The following DENND5B variants were observed in gnomAD, a reference collection of about 807,000 sequenced individuals.
DENND5B encodes DENN domain containing 5B, also known as DENN domain-containing protein 5B.
DENND5B carries 34 observed loss-of-function variants against 140.6 expected under a neutral mutation model. The ratio of observed to expected loss-of-function variants is 0.24; its 90% CI spans 0.18 to 0.32. The LOEUF is 0.32. Ranked by LOEUF, DENND5B falls within the 10% of genes least tolerant of loss-of-function variation. The probability of loss-of-function intolerance (pLI) is 1.00; values close to 1 mark genes in which losing one functional copy is unlikely to be tolerated. For synonymous variants in DENND5B, 551 were observed against 562.1 expected, an observed-to-expected ratio of 0.98 and a Z score of 0.28; for missense variants, 1,142 against 1,560.2, an observed-to-expected ratio of 0.73 and a Z score of 4.52.
At chr12:31,496,084 G>T (rs1946752388) in intron 1 of DENND5B, among the ~76,000 whole-genome samples, 165 bp from the exon 2 acceptor site, 1 of 152,114 alleles carries the variant, frequency 6.6e-6, no homozygotes, top group Admixed American at 6.6e-5. Flanking sequence ...CTAAAAAACT[G>T]TTAACAACAG....
intron 7 of DENND5B, among the ~76,000 whole-genome samples, chr12:31,442,162 C>A (rs1294193916): frequency 6.6e-6 from 1 of 152,186 alleles, no homozygotes; most frequent in Non-Finnish European, 1.5e-5. Flanking sequence ...CTCCTCTTAA[C>A]AGAACCCAGT....
At chr12:31,562,926 CTTTTT>C (rs36081364) in intron 1 of DENND5B, among the ~76,000 whole-genome samples, 6 of 147,522 alleles carry the variant, frequency 4.1e-5, no homozygotes, top group Non-Finnish European at 9.0e-5. Context: ...TTCCTTTTTC[CTTTTT>C]TTTTTTTTTT....
Position 31,547,367 on chromosome 12 carries a change from T to C in DENND5B, c.127+43339A>G, listed in dbSNP as rs149595958. Among the ~76,000 whole-genome samples, 314 of 152,286 alleles carry C rather than the reference T, an allele frequency of 2.1e-3. 2 individuals are homozygous for C. The highest frequency in any genetic ancestry group is 3.4e-3 in the Middle Eastern group (1 of 294). Reference sequence around the variant, plus strand: ...AGTATTTTAAAAGAAATCTTAGACATGATTAGATGAAAATTTCCGGCTAGC... The same window carrying C: ...AGTATTTTAAAAGAAATCTTAGACACGATTAGATGAAAATTTCCGGCTAGC... On this transcript the variant is annotated intron_variant, in intron 1 of 20. Transcript: ENST00000389082.
chr12:31,520,395 T>C (rs540414073), intron 1 of DENND5B, among the ~76,000 whole-genome samples: 2 of 152,314 alleles, frequency 1.3e-5, no homozygotes, highest in South Asian at 4.1e-4. Context: ...GTTAATCATA[T>C]GCAGCAAATC....
At chr12:31,409,472 G>T (rs1593088705) in intron 13 of DENND5B, 88 bp from the exon 14 acceptor site, 426 of 424,014 alleles carry the variant, frequency 1.0e-3, no homozygotes, top group Middle Eastern at 3.2e-3. Context: ...TTTTCATTAT[G>T]TCTTTTTTTT....
chr12:31,525,285 A>G (rs1948046976), intron 1 of DENND5B, among the ~76,000 whole-genome samples: 1 of 152,228 alleles, frequency 6.6e-6, no homozygotes, highest in Non-Finnish European at 1.5e-5. Context: ...AGTAGAAACA[A>G]CCTAAATTTC....
chr12:31,484,144 C>T (rs140457683), intron 2 of DENND5B, among the ~76,000 whole-genome samples: 42 of 152,122 alleles, frequency 2.8e-4, no homozygotes, highest in African/African-American at 4.1e-4. Context: ...GTAAGCTACC[C>T]GACCCGGCCT....
At chr12:31,515,324 T>C (rs756688715) in intron 1 of DENND5B, among the ~76,000 whole-genome samples, 3 of 152,160 alleles carry the variant, frequency 2.0e-5, no homozygotes, top group Non-Finnish European at 4.4e-5. Flanking sequence ...ACACATACAT[T>C]TTTTAAAATT....
chr12:31,420,135 T>C (rs1942953660), intron 11 of DENND5B: 1 of 904,590 alleles, frequency 1.1e-6, no homozygotes, highest in South Asian at 5.1e-5. Flanking sequence ...TTTATTATTA[T>C]TATTTTTTGG....
chr12:31,516,041 T>A (rs1947627757), intron 1 of DENND5B, among the ~76,000 whole-genome samples: 1 of 152,204 alleles, frequency 6.6e-6, no homozygotes, highest in Non-Finnish European at 1.5e-5. Flanking sequence ...TGCACGTAGA[T>A]GTATGGGTAT....
intron 2 of DENND5B, among the ~76,000 whole-genome samples, chr12:31,495,270 C>G (rs1002875588): frequency 3.9e-5 from 6 of 152,012 alleles, no homozygotes; most frequent in African/African-American, 4.8e-5. Context: ...CTAAAATGGG[C>G]TTTTAGGATC....
chr12:31,539,683 C>G (rs1175935745), intron 1 of DENND5B, among the ~76,000 whole-genome samples: 1 of 151,900 alleles, frequency 6.6e-6, no homozygotes, highest in East Asian at 1.9e-4. Flanking sequence ...TTCAACATCC[C>G]TTCATAATAA....
intron 10 of DENND5B, among the ~76,000 whole-genome samples, chr12:31,424,107 GAA>G (rs1256866482): frequency 6.6e-6 from 1 of 151,966 alleles, no homozygotes; most frequent in Non-Finnish European, 1.5e-5. Flanking sequence ...GGTGAGAGGA[GAA>G]AGAGAAAAAG....
intron 1 of DENND5B, among the ~76,000 whole-genome samples, chr12:31,545,970 A>AAAAAAG (rs1192889143): frequency 6.6e-6 from 1 of 150,458 alleles, no homozygotes. Flanking sequence ...AAAAAAAAAA[A>AAAAAAG]AGTGGGGGAA....
chr12:31,549,285 C>T lies in DENND5B; in HGVS notation c.127+41421G>A, dbSNP rs1050895881. On this transcript the variant is annotated intron_variant, in intron 1 of 20. Coordinates refer to ENST00000389082, the MANE Select transcript of DENND5B (RefSeq NM_144973.4). ...CATCTGCCCCTATCAGCAATGATAA[C>T]CAAGTCTTCTTGTTATCGTAAAACG... is the stretch of plus-strand genomic sequence containing the variant. Among the ~76,000 whole-genome samples, 5 of 152,090 alleles carry T rather than the reference C, an allele frequency of 3.3e-5. No individual in the cohort carries two copies. In the South Asian group the frequency reaches 6.2e-4, roughly 19 times the overall value.
intron 1 of DENND5B, among the ~76,000 whole-genome samples, chr12:31,579,137 C>A (rs1458337054): frequency 6.6e-6 from 1 of 152,068 alleles, no homozygotes; most frequent in Non-Finnish European, 1.5e-5. Context: ...TAAAAGGTAA[C>A]CCAAGAAACC....
chr12:31,399,156 GAAAA>G (rs1292503122), intron 16 of DENND5B, among the ~76,000 whole-genome samples: 1 of 71,880 alleles, frequency 1.4e-5, no homozygotes, highest in Admixed American at 1.4e-4. Context: ...GAGAGAGAAA[GAAAA>G]AAAAAAGTTT....
Position 31,518,242 on chromosome 12 carries a change from A to C in DENND5B, c.128-22323T>G, listed in dbSNP as rs139887039. On this transcript the variant is annotated intron_variant, in intron 1 of 20. Transcript: ENST00000389082. ...CAAATATTTTAGGAAATAACACTAC[A>C]CAAACAAATAATTCAAAAAATGTTA... is the stretch of plus-strand genomic sequence containing the variant. 7.6e-3 allele frequency among the ~76,000 whole-genome samples: 1,165 copies of C among 152,320 alleles called. 14 individuals carry two copies. Among genetic ancestry groups the C allele is most frequent in the African/African-American group, 0.026 (1,089 of 41,570 alleles).
chr12:31,570,982 C>T (rs1016234919), intron 1 of DENND5B, among the ~76,000 whole-genome samples: 6 of 152,060 alleles, frequency 3.9e-5, no homozygotes, highest in African/African-American at 7.3e-5. Context: ...AAGATTGTCC[C>T]TGTTATCATT....
Sources: gnomAD v4.1 joint callset for allele counts (sites outside exome capture counted in the v4.1 genomes callset) on GRCh38, gnomAD v4.1.1 for gene constraint, MANE v1.5 for transcripts, NCBI Gene and HGNC (gene_info 2026-07-23, HGNC 2026-07-21) for gene names.